TMEM132D: variants seen among roughly 807,000 people sequenced by gnomAD.
TMEM132D encodes mature OL transmembrane protein.
TMEM132D carries 21 observed loss-of-function variants against 62.3 expected under a neutral mutation model. That is an observed-to-expected ratio of 0.34 (90% confidence interval 0.24 to 0.49). TMEM132D has a LOEUF of 0.49. Ranked by LOEUF, TMEM132D falls within the 20% of genes least tolerant of loss-of-function variation. TMEM132D has a pLI of 0.99. For synonymous variants in TMEM132D, 621 were observed against 575.6 expected (o/e 1.08, Z -1.13); for missense variants, 1,346 against 1,402.8 (o/e 0.96, Z 0.65).
intron 3 of TMEM132D, among the ~76,000 whole-genome samples, chr12:129,519,507 A>G (rs1875785205): frequency 6.6e-6 from 1 of 152,234 alleles, no homozygotes; most frequent in African/African-American, 2.4e-5. Context: ...CAGGATTCCT[A>G]AGAATTTTAT....
chr12:129,323,730 A>T (rs181116560), intron 4 of TMEM132D, among the ~76,000 whole-genome samples: 83 of 152,328 alleles, frequency 5.4e-4, no homozygotes, highest in Admixed American at 1.0e-3. Flanking sequence ...GCTACACTGG[A>T]CAGGTATGCT....
At chr12:129,335,113 T>C (rs115576607) in intron 4 of TMEM132D, among the ~76,000 whole-genome samples, 2,496 of 149,890 alleles carry the variant, frequency 0.017, 65 homozygotes, top group African/African-American at 0.058. Context: ...ATAGGCTGGG[T>C]ACTCTAATAA....
chr12:129,484,091 T>C (rs1193435815), intron 3 of TMEM132D, among the ~76,000 whole-genome samples: 2 of 152,130 alleles, frequency 1.3e-5, no homozygotes, highest in African/African-American at 4.8e-5. Context: ...TGCCTCAGCC[T>C]CCTGAGTAGC....
intron 3 of TMEM132D, among the ~76,000 whole-genome samples, chr12:129,355,407 G>A (rs1000642942): frequency 3.4e-5 from 5 of 147,580 alleles, no homozygotes; most frequent in African/African-American, 1.2e-4. Context: ...GCGCCTGTGT[G>A]AGTGCTTGGG....
chr12:129,123,531 C>T (rs1020113622), intron 5 of TMEM132D, among the ~76,000 whole-genome samples: 3 of 152,146 alleles, frequency 2.0e-5, no homozygotes, highest in Non-Finnish European at 4.4e-5. Flanking sequence ...AGGGTCCATC[C>T]CAAGCCAACT....
chr12:129,653,916 G>A (rs1253275487), intron 2 of TMEM132D, among the ~76,000 whole-genome samples: 1 of 152,140 alleles, frequency 6.6e-6, no homozygotes, highest in Non-Finnish European at 1.5e-5. Flanking sequence ...TTCTGTCCCA[G>A]AATCTCAACC....
At chr12:129,093,208 T>G (rs896112314) in intron 5 of TMEM132D, among the ~76,000 whole-genome samples, 1 of 152,178 alleles carries the variant, frequency 6.6e-6, no homozygotes, top group Non-Finnish European at 1.5e-5. Context: ...ACAGGCAACT[T>G]GAGCCTATTG....
In TMEM132D at chr12:129,903,234, G is replaced by C. The variant is rs1423345148; in HGVS notation, c.79+27C>G. ...CTCACTCCAGGCGAAGTTAGTCCCC[G>C]GGCCCTGGCGGCCGCGGCGTCCTCA... On this transcript the variant is annotated intron_variant, in intron 1 of 8. Coordinates refer to ENST00000422113, the MANE Select transcript of TMEM132D (RefSeq NM_133448.3). The surrounding 1 kb of genome is among the most constrained non-coding windows in gnomAD (Gnocchi z 6.2). 10 of 1,551,008 alleles carry C rather than the reference G, an allele frequency of 6.4e-6. No homozygotes were observed. The South Asian group carries it at 7.1e-5, about 11-fold the overall frequency.
chr12:129,727,833 G>GAA (rs113336899), intron 1 of TMEM132D, among the ~76,000 whole-genome samples: 5 of 150,672 alleles, frequency 3.3e-5, no homozygotes, highest in Admixed American at 1.3e-4. Context: ...TTTGAATGAT[G>GAA]AAAAAAAAAT....
At chr12:129,520,675 G>T (rs1875824093) in intron 3 of TMEM132D, among the ~76,000 whole-genome samples, 1 of 152,172 alleles carries the variant, frequency 6.6e-6, no homozygotes, top group Non-Finnish European at 1.5e-5. Context: ...ACTTTTTAAT[G>T]ATTTCAGGTA....
At chr12:129,764,937 T>A (rs1835914148) in intron 1 of TMEM132D, among the ~76,000 whole-genome samples, 1 of 151,866 alleles carries the variant, frequency 6.6e-6, no homozygotes, top group Non-Finnish European at 1.5e-5. Flanking sequence ...CAAGACCCTG[T>A]CTCAAAAAGA....
At chr12:129,623,952 C>T (rs770541927) in intron 2 of TMEM132D, among the ~76,000 whole-genome samples, 18 of 152,116 alleles carry the variant, frequency 1.2e-4, no homozygotes, top group South Asian at 6.2e-4. Flanking sequence ...GCTGGACAGT[C>T]GAGAAACTCA....
intron 5 of TMEM132D, among the ~76,000 whole-genome samples, chr12:129,148,879 T>C (rs768296662): frequency 1.3e-5 from 2 of 149,452 alleles, no homozygotes; most frequent in African/African-American, 2.5e-5. Flanking sequence ...CTCCAAATTG[T>C]CTTGCAGAAC....
In TMEM132D at chr12:129,589,309, C is replaced by T. The variant is rs188045040; in HGVS notation, c.969-58104G>A. ...CTCCGTTGTCTGCTACCATGTAAGACATGCCTTTCACCTCCTACCATGATT... is the reference window on the plus strand; with the variant it reads ...CTCCGTTGTCTGCTACCATGTAAGATATGCCTTTCACCTCCTACCATGATT... On this transcript the variant is annotated intron_variant, in intron 2 of 8. Transcript: ENST00000422113. 4.9e-3 allele frequency among the ~76,000 whole-genome samples: 741 copies of T among 152,264 alleles called. 4 individuals are homozygous for T. The highest frequency in any genetic ancestry group is 7.0e-3 in the Non-Finnish European group (474 of 68,022).
chr12:129,113,937 A>G (rs4964838), intron 5 of TMEM132D, among the ~76,000 whole-genome samples: 146,188 of 152,086 alleles, frequency 0.96, 70,534 homozygotes, highest in East Asian at 1. Flanking sequence ...AGGGGATGGA[A>G]TGGACAGTAA....
chr12:129,484,647 G>C (rs1874529402), intron 3 of TMEM132D, among the ~76,000 whole-genome samples: 1 of 152,126 alleles, frequency 6.6e-6, no homozygotes, highest in Non-Finnish European at 1.5e-5. Flanking sequence ...AGAAACAATG[G>C]AATCTTCTTT....
At chr12:129,368,102 A>G (rs1870480627) in intron 3 of TMEM132D, among the ~76,000 whole-genome samples, 1 of 151,956 alleles carries the variant, frequency 6.6e-6, no homozygotes, top group Middle Eastern at 3.2e-3. Flanking sequence ...CTCTTTTTCC[A>G]TTTCTTTAAA....
chr12:129,145,033 T>C (rs1329525624), intron 5 of TMEM132D, among the ~76,000 whole-genome samples: 1 of 151,804 alleles, frequency 6.6e-6, no homozygotes, highest in Non-Finnish European at 1.5e-5. Flanking sequence ...TATATATATG[T>C]ACATGTGCTT....
intron 3 of TMEM132D, among the ~76,000 whole-genome samples, chr12:129,520,138 T>C (rs1875807828): frequency 6.6e-6 from 1 of 152,154 alleles, no homozygotes. Flanking sequence ...TTTTGGTGGG[T>C]GTTTAAGCAG....
Sources: allele counts gnomAD v4.1 joint callset (sites outside exome capture counted in the v4.1 genomes callset), GRCh38; gene constraint gnomAD v4.1.1; non-coding constraint Gnocchi (gnomAD v3.1); transcripts MANE v1.5; gene names NCBI Gene and HGNC (gene_info 2026-07-23, HGNC 2026-07-21).